Variants in C3orf20 observed in about 807,000 individuals in gnomAD.
C3orf20 encodes the protein uncharacterized protein C3orf20.
In C3orf20, 76 loss-of-function variants were observed where a neutral mutation model predicts 88.3. The observed-to-expected ratio is 0.86, with a 90% CI of 0.72 to 1.04. The LOEUF is 1.04. C3orf20 is among the 50% of genes least tolerant of loss of function. The pLI is 0.00. For synonymous variants in C3orf20, 436 were observed against 437.4 expected (o/e 1.00, Z 0.04); for missense variants, 1,056 against 1,123.3 (o/e 0.94, Z 0.86).
rs1361520678 is a variant in C3orf20, at chr3:14,683,862, C to T, written c.485-380C>T. ...CTGCACTCCAGCCTGGGTGATAGAG[C>T]GAGACTCCATCTCAAAAAAAAAAAA... On this transcript the variant is annotated intron_variant, in intron 3 of 16. Coordinates refer to ENST00000253697, the MANE Select transcript of C3orf20 (RefSeq NM_032137.5). 6.3e-5 allele frequency among the ~76,000 whole-genome samples: 8 copies of T among 127,068 alleles called. No individual in the cohort carries two copies. The East Asian group carries it at 6.6e-4, about 11-fold the overall frequency. The allele number at this position is 127,068 out of a possible 152,430, so 83.4% of individuals were successfully genotyped here.
At chr3:14,751,621 A>G (rs2035220804) in intron 12 of C3orf20, among the ~76,000 whole-genome samples, 1 of 152,266 alleles carries the variant, frequency 6.6e-6, no homozygotes, top group Non-Finnish European at 1.5e-5. Flanking sequence ...CTGATAAGCA[A>G]CTTCAGCAAA....
At chr3:14,743,848 G>A (rs955161727) in intron 12 of C3orf20, among the ~76,000 whole-genome samples, 1 of 151,934 alleles carries the variant, frequency 6.6e-6, no homozygotes, top group Non-Finnish European at 1.5e-5. Flanking sequence ...GAGCAGCTGG[G>A]ACACAGGGCA....
chr3:14,741,277 C>A (rs2034890774), intron 12 of C3orf20, among the ~76,000 whole-genome samples: 1 of 152,114 alleles, frequency 6.6e-6, no homozygotes, highest in African/African-American at 2.4e-5. Context: ...TTATCAGAGT[C>A]TTCTACCTCG....
rs1247412665 is a variant in C3orf20, at chr3:14,714,175, G to A, written c.1313+16G>A. ...TAAAAACCAGGTAAGTGGACTGGGAGAGTACTAGTCACACGGAAGTACCTC... is the reference window on the plus strand; with the variant it reads ...TAAAAACCAGGTAAGTGGACTGGGAAAGTACTAGTCACACGGAAGTACCTC... On this transcript the variant is annotated intron_variant, in intron 8 of 16. Coordinates refer to ENST00000253697, the MANE Select transcript of C3orf20 (RefSeq NM_032137.5). 2 of 1,612,732 alleles carry A rather than the reference G, an allele frequency of 1.2e-6. No individual in the cohort carries two copies. The highest frequency in any genetic ancestry group is 1.7e-6 in the Non-Finnish European group (2 of 1,179,834).
rs147269571 is a variant in C3orf20, at chr3:14,721,156, G to T, written c.1435-497G>T. Among the ~76,000 whole-genome samples the T allele has an allele frequency of 3.5e-4, 53 of 152,304 alleles. 1 individual carries two copies. The highest frequency in any genetic ancestry group is 3.3e-3 in the South Asian group (16 of 4,822). On this transcript the variant is annotated intron_variant, in intron 9 of 16. Transcript: ENST00000253697. ...AAGGGGCTGAGTATGTGTGGCCCAGGCCCTTCTGGGTCCTCTTTGACCTCT... is the reference window on the plus strand; with the variant it reads ...AAGGGGCTGAGTATGTGTGGCCCAGTCCCTTCTGGGTCCTCTTTGACCTCT...
At chr3:14,689,970 G>A (rs777187494) in intron 4 of C3orf20, 27 bp from the exon 5 acceptor site, 2 of 1,613,650 alleles carry the variant, frequency 1.2e-6, no homozygotes, top group Admixed American at 1.7e-5. Flanking sequence ...ACAGTTGAAA[G>A]AAGAATCTCT....
At chr3:14,683,712 C>A (rs1220815983) in intron 3 of C3orf20, among the ~76,000 whole-genome samples, 1 of 151,886 alleles carries the variant, frequency 6.6e-6, no homozygotes, top group African/African-American at 2.4e-5. Context: ...CCTGACTCTA[C>A]TAAAAATACA....
At chr3:14,751,074 T>G (rs1594635) in intron 12 of C3orf20, among the ~76,000 whole-genome samples, 9,393 of 152,278 alleles carry the variant, frequency 0.062, 428 homozygotes, top group East Asian at 0.13. Context: ...CCTGCTTAGA[T>G]CTATCACTGA....
chr3:14,765,920 C>T (rs947154941), intron 15 of C3orf20, among the ~76,000 whole-genome samples: 1 of 152,238 alleles, frequency 6.6e-6, no homozygotes, highest in African/African-American at 2.4e-5. Context: ...CTCATGAGCT[C>T]CAGCAGGGGC....
chr3:14,742,341 C>T (rs780337766), intron 12 of C3orf20, among the ~76,000 whole-genome samples: 9 of 152,090 alleles, frequency 5.9e-5, no homozygotes, highest in Admixed American at 1.3e-4. Context: ...GTTTGGGAGG[C>T]GTTAGATGAG....
Position 14,726,903 on chromosome 3 carries a change from G to A in C3orf20, c.1569G>A (p.Leu523=). 6.2e-7 allele frequency: 1 copy of A among 1,614,000 alleles called. No individual in the cohort carries two copies. The highest frequency in any genetic ancestry group is 1.1e-5 in the South Asian group (1 of 91,068). The change falls in exon 11 of 17, where the codon CTG becomes CTA. Residue 523 remains leucine (L), a splice_region_variant and synonymous_variant. Coordinates refer to ENST00000253697, the MANE Select transcript of C3orf20 (RefSeq NM_032137.5). ...CPHGMAYDKR[L]NRRISNMDDK... ...CCCTCCCCTTTGCCCCTCTCCAGCT[G>A]AACCGCAGAATCAGCAACATGGACG...
chr3:14,763,118 CAGG>C (rs1388448783), intron 15 of C3orf20, among the ~76,000 whole-genome samples: 1 of 152,110 alleles, frequency 6.6e-6, no homozygotes, highest in African/African-American at 2.4e-5. Flanking sequence ...CAGGACAGGA[CAGG>C]GGGACGCTAT....
chr3:14,705,950 T>G (rs1333406799), intron 7 of C3orf20, among the ~76,000 whole-genome samples: 1 of 152,142 alleles, frequency 6.6e-6, no homozygotes, highest in Non-Finnish European at 1.5e-5. Flanking sequence ...TTTTTATACC[T>G]TTAAGGATTA....
At chr3:14,724,456 T>A (rs1575127922) in intron 10 of C3orf20, among the ~76,000 whole-genome samples, 1 of 152,134 alleles carries the variant, frequency 6.6e-6, no homozygotes. Flanking sequence ...TCAAGTCTTA[T>A]TTTCTTACCT....
At chr3:14,733,242 A>G (rs1008224086) in intron 12 of C3orf20, among the ~76,000 whole-genome samples, 1 of 152,036 alleles carries the variant, frequency 6.6e-6, no homozygotes, top group African/African-American at 2.4e-5. Context: ...TTCCTCCTTT[A>G]TTCTATTATT....
intron 4 of C3orf20, among the ~76,000 whole-genome samples, chr3:14,688,083 T>C (rs879388277): frequency 6.6e-6 from 1 of 152,176 alleles, no homozygotes; most frequent in Non-Finnish European, 1.5e-5. Context: ...CACTCATTCA[T>C]CCTAAAAGGA....
intron 12 of C3orf20, among the ~76,000 whole-genome samples, chr3:14,750,829 GA>G (rs2035199230): frequency 6.6e-6 from 1 of 152,114 alleles, no homozygotes; most frequent in South Asian, 2.1e-4. Flanking sequence ...TAGATATGTA[GA>G]TTTATGTCTT....
intron 12 of C3orf20, among the ~76,000 whole-genome samples, chr3:14,734,689 TGTC>T (rs1330522412): frequency 6.6e-6 from 1 of 152,132 alleles, no homozygotes; most frequent in Admixed American, 6.5e-5. Flanking sequence ...GTTTTATAAA[TGTC>T]AGGTCAAATT....
At chr3:14,725,647 G>A (rs1046493951) in intron 10 of C3orf20, among the ~76,000 whole-genome samples, 6 of 152,142 alleles carry the variant, frequency 3.9e-5, no homozygotes, top group Non-Finnish European at 7.3e-5. Flanking sequence ...CATTTGTTGG[G>A]GACATCCTTT....
Sources: allele counts gnomAD v4.1 joint callset (sites outside exome capture counted in the v4.1 genomes callset), GRCh38; gene constraint gnomAD v4.1.1; transcripts MANE v1.5; gene names NCBI Gene and HGNC (gene_info 2026-07-23, HGNC 2026-07-21).